The following CCDC60 variants were observed in gnomAD, a reference collection of about 807,000 sequenced individuals.
CCDC60 encodes the protein coiled-coil domain-containing protein 60.
A neutral mutation model predicts 63.5 loss-of-function variants in CCDC60; 54 were observed. That is an observed-to-expected ratio of 0.85 (90% CI 0.68 to 1.07). CCDC60 has a LOEUF of 1.07. Among genes scored for constraint, CCDC60 ranks in the 50% least tolerant of loss-of-function variants. The probability of loss-of-function intolerance (pLI) is 0.00; values close to 1 mark genes in which losing one functional copy is unlikely to be tolerated. For missense variants in CCDC60, 651 were observed against 684.3 expected (o/e 0.95, Z 0.54); for synonymous variants, 206 against 238.8 (o/e 0.86, Z 1.27).
intron 1 of CCDC60, among the ~76,000 whole-genome samples, chr12:119,351,997 A>G (rs559295131): frequency 2.5e-4 from 38 of 152,184 alleles, no homozygotes; most frequent in Non-Finnish European, 5.1e-4. Flanking sequence ...GAACTACCTG[A>G]GATTAATTTA....
chr12:119,403,899 ATG>A (rs1462833477), intron 1 of CCDC60, among the ~76,000 whole-genome samples: 2 of 152,230 alleles, frequency 1.3e-5, no homozygotes, highest in African/African-American at 4.8e-5. Flanking sequence ...GTTTTGATGT[ATG>A]TATACATTGT....
chr12:119,513,394 C>A (rs1952263995), intron 7 of CCDC60, among the ~76,000 whole-genome samples: 1 of 152,188 alleles, frequency 6.6e-6, no homozygotes, highest in South Asian at 2.1e-4. Context: ...TCCATAGGGC[C>A]ATGCATCTTC....
At chr12:119,411,440 G>A (rs556226455) in intron 1 of CCDC60, among the ~76,000 whole-genome samples, 1 of 152,000 alleles carries the variant, frequency 6.6e-6, no homozygotes, top group African/African-American at 2.4e-5. Flanking sequence ...CCGGGAGGCG[G>A]AGGCTGCAGT....
At chr12:119,442,153 A>G (rs1366674892) in intron 2 of CCDC60, among the ~76,000 whole-genome samples, 16 of 152,116 alleles carry the variant, frequency 1.1e-4, no homozygotes, top group African/African-American at 2.4e-5. Flanking sequence ...ATCCACGTGT[A>G]TTTTTTACAG....
chr12:119,366,002 A>G (rs999130165), intron 1 of CCDC60, among the ~76,000 whole-genome samples: 2 of 152,214 alleles, frequency 1.3e-5, no homozygotes, highest in Admixed American at 6.5e-5. Flanking sequence ...CCTCACAGTA[A>G]TAATAAGAAT....
intron 3 of CCDC60, among the ~76,000 whole-genome samples, chr12:119,476,101 A>G (rs1951171451): frequency 6.6e-6 from 1 of 152,212 alleles, no homozygotes; most frequent in African/African-American, 2.4e-5. Context: ...AAGACCATAG[A>G]ATACATTCTT....
chr12:119,357,423 C>G (rs527737133), intron 1 of CCDC60, among the ~76,000 whole-genome samples: 1 of 152,016 alleles, frequency 6.6e-6, no homozygotes, highest in East Asian at 1.9e-4. Context: ...TTCCCAGGCT[C>G]TGCTATCATT....
chr12:119,520,123 T>G lies in CCDC60; in HGVS notation c.971T>G (p.Ile324Ser), dbSNP rs1449773733. The G allele has an allele frequency of 1.9e-6, 3 of 1,613,600 alleles. No homozygotes were observed. Among genetic ancestry groups the G allele is most frequent in the Non-Finnish European group, 2.5e-6 (3 of 1,179,764 alleles). Residue 324 changes from isoleucine to serine, a missense_variant and splice_region_variant, in exon 9 of 14, where the codon ATC becomes AGC. Ile to Ser is a moderately radical substitution (Grantham distance 142, BLOSUM62 -2). Coordinates refer to ENST00000327554, the MANE Select transcript of CCDC60 (RefSeq NM_178499.5). The part of the protein sequence containing the change: ...ENGMQRKAPS[I>S]LSVLKQNKSN... ...AAAGGACTCATTTTGCCTTGCAGCA[T>G]CTTGTCAGTGCTGAAACAAAACAAG...
chr12:119,438,180 G>GT lies in CCDC60; in HGVS notation c.170+9426dup, dbSNP rs376292157. Among the ~76,000 whole-genome samples the GT allele has an allele frequency of 1.6e-3, 241 of 152,040 alleles. 1 individual carries two copies. The highest frequency in any genetic ancestry group is 4.8e-3 in the African/African-American group (198 of 41,466). On this transcript the variant is annotated intron_variant, in intron 2 of 13. Transcript: ENST00000327554. ...GTAGTTAACCATAGTTTTAGGGTGA[G>GT]TTTTTTTTCTCTGCCTTTCTTACAC...
At position 119,499,976 on chromosome 12, in the gene CCDC60, G is replaced by T; in HGVS notation, c.558-102G>T. 5 of 846,148 alleles carry T rather than the reference G, an allele frequency of 5.9e-6. No individual in the cohort carries two copies. In the South Asian group the frequency reaches 6.9e-5, roughly 12 times the overall value. The allele number at this position is 846,148 out of a possible 1,614,324, so 52.4% of individuals were successfully genotyped here. The stretch of plus-strand genomic sequence containing the variant: ...GAGTGGGGGAGGAAATCCTAACAGA[G>T]CCCAGCCACCATTCCTCCTCTATTT... On this transcript the variant is annotated intron_variant, in intron 5 of 13. Transcript: ENST00000327554.
At chr12:119,336,895 G>A (rs532802332) in intron 1 of CCDC60, among the ~76,000 whole-genome samples, 1 of 152,182 alleles carries the variant, frequency 6.6e-6, no homozygotes, top group African/African-American at 2.4e-5. Flanking sequence ...GAGCACAACT[G>A]TAAGTGTGCA....
intron 1 of CCDC60, among the ~76,000 whole-genome samples, chr12:119,349,919 C>G (rs1955637938): frequency 6.6e-6 from 1 of 152,140 alleles, no homozygotes; most frequent in African/African-American, 2.4e-5. Context: ...AATGGTGTAC[C>G]CAGTGCCTTT....
chr12:119,464,013 C>T (rs921517904), intron 2 of CCDC60, among the ~76,000 whole-genome samples: 11 of 150,718 alleles, frequency 7.3e-5, no homozygotes, highest in African/African-American at 2.2e-4. Context: ...CTTACTTCCT[C>T]TTTCCTTCCT....
At chr12:119,344,093 G>C (rs1955561231) in intron 1 of CCDC60, among the ~76,000 whole-genome samples, 1 of 152,126 alleles carries the variant, frequency 6.6e-6, no homozygotes, top group African/African-American at 2.4e-5. Context: ...CGTTTCAGCA[G>C]AGTTTCTCAA....
intron 2 of CCDC60, among the ~76,000 whole-genome samples, chr12:119,469,238 A>C (rs1244704226): frequency 6.6e-6 from 1 of 152,084 alleles, no homozygotes; most frequent in African/African-American, 2.4e-5. Flanking sequence ...TTATAATGGC[A>C]CTTTCTTGCT....
intron 1 of CCDC60, among the ~76,000 whole-genome samples, chr12:119,391,571 C>T (rs1045965874): frequency 1.3e-5 from 2 of 152,174 alleles, no homozygotes; most frequent in Non-Finnish European, 2.9e-5. Context: ...TAACCTCTAC[C>T]GGAAAGGGTT....
Position 119,466,831 on chromosome 12 carries a change from G to A in CCDC60, c.171-5163G>A, listed in dbSNP as rs193144454. Among the ~76,000 whole-genome samples, 32 of 152,294 alleles carry A rather than the reference G, an allele frequency of 2.1e-4. No individual in the cohort carries two copies. The East Asian group carries it at 5.2e-3, about 25-fold the overall frequency. ...TTGGTGTGTGCATTGTGTTGAGGTAGGAGGTGGGACTTAACACCAGAGGTG... is the reference window on the plus strand; with the variant it reads ...TTGGTGTGTGCATTGTGTTGAGGTAAGAGGTGGGACTTAACACCAGAGGTG... On this transcript the variant is annotated intron_variant, in intron 2 of 13. Transcript: ENST00000327554.
intron 2 of CCDC60, among the ~76,000 whole-genome samples, chr12:119,454,891 C>T (rs963299665): frequency 1.3e-5 from 2 of 152,152 alleles, no homozygotes; most frequent in Non-Finnish European, 2.9e-5. Context: ...CACCATCCTC[C>T]GTATTTGCTT....
chr12:119,536,352 T>C (rs1953007154), intron 13 of CCDC60, among the ~76,000 whole-genome samples: 1 of 152,190 alleles, frequency 6.6e-6, no homozygotes, highest in South Asian at 2.1e-4. Context: ...TAGTGATGGA[T>C]CTTGACTCTT....
Sources: allele counts gnomAD v4.1 joint callset (sites outside exome capture counted in the v4.1 genomes callset), GRCh38; gene constraint gnomAD v4.1.1; transcripts MANE v1.5; gene names NCBI Gene and HGNC (gene_info 2026-07-23, HGNC 2026-07-21).